SDK1: variants seen among roughly 807,000 people sequenced by gnomAD.
SDK1 encodes protein sidekick-1.
In SDK1, 157 loss-of-function variants were observed where a neutral mutation model predicts 245.5. The ratio of observed to expected loss-of-function variants is 0.64; its 90% confidence interval spans 0.56 to 0.73. The LOEUF (loss-of-function observed/expected upper bound fraction) is 0.73. Among genes scored for constraint, SDK1 ranks in the 30% least tolerant of loss-of-function variants. SDK1 has a pLI of 0.00. For missense variants in SDK1, 3,583 were observed against 3,002.3 expected (o/e 1.19, Z -4.52); for synonymous variants, 1,647 against 1,278.5 (o/e 1.29, Z -6.15).
intron 8 of SDK1, among the ~76,000 whole-genome samples, chr7:3,961,761 G>T (rs991807750): frequency 1.3e-5 from 2 of 152,190 alleles, no homozygotes; most frequent in African/African-American, 4.8e-5. Flanking sequence ...CTGTTGGGAT[G>T]AATAGTGATA....
intron 1 of SDK1, among the ~76,000 whole-genome samples, chr7:3,485,125 G>C (rs1011383849): frequency 6.6e-6 from 1 of 152,054 alleles, no homozygotes; most frequent in African/African-American, 2.4e-5. Context: ...CACCAAGACC[G>C]TATGAACATT....
rs150910863 is a variant in SDK1 at position 4,185,324 on chromosome 7, C to T, written c.5098+6738C>T. Among the ~76,000 whole-genome samples the T allele has an allele frequency of 7.9e-3, 1,208 of 152,274 alleles. 21 individuals carry two copies. The highest frequency in any genetic ancestry group is 0.026 in the African/African-American group (1,087 of 41,548). The stretch of plus-strand genomic sequence containing the variant: ...GAGTTCTGGGCCCAGCTCCACATTC[C>T]ACAGCGTTCCGGGCACTGTGGGACC... On this transcript the variant is annotated intron_variant, in intron 35 of 44. Transcript: ENST00000404826.
At chr7:3,788,275 G>A (rs1022411299) in intron 4 of SDK1, among the ~76,000 whole-genome samples, 1 of 152,196 alleles carries the variant, frequency 6.6e-6, no homozygotes, top group Non-Finnish European at 1.5e-5. Context: ...CAGAACAGCA[G>A]AAACCTGGTC....
intron 5 of SDK1, among the ~76,000 whole-genome samples, chr7:3,837,015 G>A (rs188310319): frequency 2.6e-5 from 4 of 152,164 alleles, no homozygotes; most frequent in East Asian, 1.9e-4. Flanking sequence ...TGTCTCTTCC[G>A]CTTCTTATAA....
chr7:3,421,258 G>T (rs1035825856), intron 1 of SDK1, among the ~76,000 whole-genome samples: 2 of 151,980 alleles, frequency 1.3e-5, no homozygotes, highest in African/African-American at 4.8e-5. Flanking sequence ...TTTTAATAGA[G>T]ACAGGGTTTC....
chr7:3,513,840 G>A (rs1782653852), intron 1 of SDK1, among the ~76,000 whole-genome samples: 1 of 151,954 alleles, frequency 6.6e-6, no homozygotes, highest in African/African-American at 2.4e-5. Context: ...ATATCCATGT[G>A]TACTCAGTAT....
chr7:3,765,301 G>A (rs1365609318), intron 4 of SDK1, among the ~76,000 whole-genome samples: 3 of 152,082 alleles, frequency 2.0e-5, no homozygotes, highest in African/African-American at 4.8e-5. Flanking sequence ...TACCACCAAT[G>A]AATTTTAAAA....
Position 4,268,183 on chromosome 7 carries a change from C to A in SDK1, c.*2799C>A. 1 of 987,406 alleles carries A rather than the reference C, an allele frequency of 1.0e-6. No individual in the cohort carries two copies. The highest frequency in any genetic ancestry group is 1.2e-6 in the Non-Finnish European group (1 of 831,196). 61.2% of individuals were successfully genotyped at this position (987,406 alleles called of 1,614,324 possible). On this transcript the variant is annotated 3_prime_UTR_variant, in exon 45 of 45. Coordinates refer to ENST00000404826, the MANE Select transcript of SDK1 (RefSeq NM_152744.4). The stretch of plus-strand genomic sequence containing the variant: ...AGTGGCTGAGTCTCCCCACCCACCC[C>A]CAACGTGGCTCATTTCAGATTGCTT...
chr7:3,651,233 C>G (rs1372112371), intron 4 of SDK1, among the ~76,000 whole-genome samples: 5 of 151,738 alleles, frequency 3.3e-5, no homozygotes, highest in Non-Finnish European at 7.4e-5. Context: ...TGCTTCCTCA[C>G]TAGCATTTGG....
chr7:4,193,795 A>C (rs1783378261), intron 35 of SDK1, among the ~76,000 whole-genome samples: 1 of 152,152 alleles, frequency 6.6e-6, no homozygotes, highest in African/African-American at 2.4e-5. Flanking sequence ...TGGGAGACAG[A>C]ATCCCTGAGT....
At chr7:3,507,021 G>T (rs7805598) in intron 1 of SDK1, among the ~76,000 whole-genome samples, 13 of 151,882 alleles carry the variant, frequency 8.6e-5, no homozygotes, top group Non-Finnish European at 1.8e-4. Context: ...TGTCAACTTA[G>T]TCTCTTCAAG....
At position 4,220,234 on chromosome 7, in the gene SDK1, G is replaced by A. The variant is rs1234786844; in HGVS notation, c.5665G>A (p.Glu1889Lys). Residue 1889 changes from glutamate (E) to lysine (K), a missense_variant, in exon 39 of 45, where the codon GAG becomes AAG. Transcript: ENST00000404826. ...VQARTITYGP[E>K]LQANITAGPA... is the part of the protein sequence containing the mutation. ...AGCGCGGACCATCACCTACGGGCCCGAGCTCCAAGCCAATATCACAGCCGG... is the reference window on the plus strand; with the variant it reads ...AGCGCGGACCATCACCTACGGGCCCAAGCTCCAAGCCAATATCACAGCCGG... The A allele has an allele frequency of 4.2e-5, 67 of 1,613,798 alleles. No individual in the cohort carries two copies. The highest frequency in any genetic ancestry group is 5.0e-5 in the Non-Finnish European group (59 of 1,179,958).
At chr7:4,098,811 A>G (rs953620823) in intron 22 of SDK1, among the ~76,000 whole-genome samples, 1 of 143,126 alleles carries the variant, frequency 7.0e-6, no homozygotes, top group Non-Finnish European at 1.5e-5. Flanking sequence ...TTACAGGAGC[A>G]CACCACAATG....
Position 3,967,297 on chromosome 7 carries a change from TTCATTTACTCC to T in SDK1, c.1430-18_1430-8del. On this transcript the variant is annotated splice_polypyrimidine_tract_variant and intron_variant, in intron 9 of 44. Transcript: ENST00000404826. The stretch of plus-strand genomic sequence containing the variant: ...CTCTCAGGAACAAGGCCCTGATCAT[TTCATTTACTCC>T]TCTTCTCAGATATCGCTCCAGTGTT... The T allele has an allele frequency of 1.3e-6, 2 of 1,588,202 alleles. No homozygotes were observed. Among genetic ancestry groups the T allele is most frequent in the Admixed American group, 3.3e-5 (2 of 59,976 alleles).
chr7:4,214,081 T>A (rs752655515), intron 38 of SDK1, among the ~76,000 whole-genome samples: 7 of 152,298 alleles, frequency 4.6e-5, no homozygotes, highest in Non-Finnish European at 4.4e-5. Context: ...ACAGAGAGAT[T>A]GGGCTCAGAG....
intron 1 of SDK1, among the ~76,000 whole-genome samples, chr7:3,479,834 C>T (rs1445008872): frequency 3.4e-5 from 5 of 148,042 alleles, no homozygotes; most frequent in African/African-American, 1.3e-4. Context: ...TGCACTCTGG[C>T]TTGGGCATCA....
At chr7:3,544,957 A>T (rs971189726) in intron 1 of SDK1, among the ~76,000 whole-genome samples, 1 of 152,124 alleles carries the variant, frequency 6.6e-6, no homozygotes, top group African/African-American at 2.4e-5. Flanking sequence ...CGGACTCCTG[A>T]GCCTTGTACT....
At chr7:4,134,278 T>A (rs980724446) in intron 28 of SDK1, among the ~76,000 whole-genome samples, 42 of 152,334 alleles carry the variant, frequency 2.8e-4, no homozygotes, top group African/African-American at 9.9e-4. Flanking sequence ...AGGTGACCTT[T>A]GGAATTGCGG....
chr7:3,327,127 G>A (rs752151433), intron 1 of SDK1, among the ~76,000 whole-genome samples: 3 of 152,166 alleles, frequency 2.0e-5, no homozygotes, highest in Non-Finnish European at 4.4e-5. Flanking sequence ...GGTCCTGGGT[G>A]TGACATCTTA....
Sources: allele counts gnomAD v4.1 joint callset (sites outside exome capture counted in the v4.1 genomes callset), GRCh38; gene constraint gnomAD v4.1.1; transcripts MANE v1.5; gene names NCBI Gene and HGNC (gene_info 2026-07-23, HGNC 2026-07-21).